The following DLGAP4 variants were observed in gnomAD, a reference collection of about 807,000 sequenced individuals.
DLGAP4 encodes the protein DLG associated protein 4.
DLGAP4 carries 18 observed loss-of-function variants against 86.9 expected under a neutral mutation model. That is an observed-to-expected ratio of 0.21 (90% CI 0.14 to 0.31). The LOEUF is 0.31. Among genes scored for constraint, DLGAP4 ranks in the 10% least tolerant of loss-of-function variants. DLGAP4 has a pLI of 1.00. For synonymous variants in DLGAP4, 548 were observed against 574.3 expected, an observed-to-expected ratio of 0.95 and a Z score of 0.65; for missense variants, 1,085 against 1,362.6, an observed-to-expected ratio of 0.80 and a Z score of 3.21.
intron 2 of DLGAP4, among the ~76,000 whole-genome samples, chr20:36,421,750 G>T (rs2032835163): frequency 6.6e-6 from 1 of 152,104 alleles, no homozygotes; most frequent in African/African-American, 2.4e-5. Context: ...GCAGACTGTG[G>T]GCGGAGCAGG....
intron 4 of DLGAP4, among the ~76,000 whole-genome samples, chr20:36,439,442 G>T (rs2033381662): frequency 6.6e-6 from 1 of 152,204 alleles, no homozygotes; most frequent in Non-Finnish European, 1.5e-5. Context: ...GAGTCTAGGG[G>T]CCTGATAGAA....
chr20:36,351,162 C>T (rs2030139007), intron 1 of DLGAP4, among the ~76,000 whole-genome samples: 2 of 152,228 alleles, frequency 1.3e-5, no homozygotes. Context: ...GCACCCACTG[C>T]TCCCACTCTG....
At chr20:36,418,332 C>T (rs185665046) in intron 2 of DLGAP4, among the ~76,000 whole-genome samples, 1 of 151,806 alleles carries the variant, frequency 6.6e-6, no homozygotes, top group South Asian at 2.1e-4. Flanking sequence ...AGGCTAGTCT[C>T]GAATTCCTGA....
chr20:36,498,298 T>G (rs763921280), intron 8 of DLGAP4: 2 of 152,240 alleles, frequency 1.3e-5, no homozygotes, highest in African/African-American at 2.4e-5. Flanking sequence ...TCTGGGCTTC[T>G]TAAGTGTCCA....
intron 7 of DLGAP4, among the ~76,000 whole-genome samples, chr20:36,447,893 CAG>C (rs1491305218): frequency 2.3e-4 from 2 of 8,530 alleles, no homozygotes; most frequent in East Asian, 3.0e-3. Flanking sequence ...CAGGGCCTAT[CAG>C]GGGGGTGGGG....
At chr20:36,502,025 C>A (rs2036165182) in intron 10 of DLGAP4, among the ~76,000 whole-genome samples, 2 of 152,182 alleles carry the variant, frequency 1.3e-5, no homozygotes, top group South Asian at 4.1e-4. Context: ...TATTTGTCTT[C>A]ATATATCTTT....
At position 36,495,194 on chromosome 20, in the gene DLGAP4, T is replaced by A. The variant is rs143973370; in HGVS notation, c.1649-1511T>A. Among the ~76,000 whole-genome samples, 11 of 152,268 alleles carry A rather than the reference T, an allele frequency of 7.2e-5. No homozygotes were observed. In the East Asian group the frequency reaches 1.9e-3, roughly 27 times the overall value. ...TTTATAAGAAAATGCCAATGTATTT[T>A]CCATGACAGTAGTATCACTTTTTCT... On this transcript the variant is annotated intron_variant, in intron 7 of 12. Coordinates refer to ENST00000339266, the MANE Select transcript of DLGAP4 (RefSeq NM_001365621.2).
chr20:36,438,833 C>T (rs981567094), intron 4 of DLGAP4, among the ~76,000 whole-genome samples: 39 of 151,754 alleles, frequency 2.6e-4, no homozygotes, highest in African/African-American at 9.4e-4. Context: ...CTCAGCCTCC[C>T]GAGTAGCTGA....
At chr20:36,420,924 G>A (rs1346412675) in intron 2 of DLGAP4, among the ~76,000 whole-genome samples, 6 of 151,630 alleles carry the variant, frequency 4.0e-5, no homozygotes, top group Admixed American at 2.0e-4. Context: ...AGTGAGCCAA[G>A]ATTGTGCCAT....
At chr20:36,312,254 G>C (rs1020877187) in intron 1 of DLGAP4, among the ~76,000 whole-genome samples, 4 of 152,348 alleles carry the variant, frequency 2.6e-5, no homozygotes, top group Admixed American at 1.3e-4. Flanking sequence ...GAGTGACCAT[G>C]ACCGGCAGTC....
At chr20:36,355,477 C>T (rs1403652794) in intron 1 of DLGAP4, among the ~76,000 whole-genome samples, 1 of 151,908 alleles carries the variant, frequency 6.6e-6, no homozygotes, top group East Asian at 1.9e-4. Flanking sequence ...TTGTGGTTTT[C>T]GTAGAGGCAT....
chr20:36,370,049 G>T (rs753564145), intron 2 of DLGAP4, among the ~76,000 whole-genome samples: 52 of 152,126 alleles, frequency 3.4e-4, no homozygotes, highest in Non-Finnish European at 6.5e-4. Flanking sequence ...GAAGTTCCCC[G>T]CAAAGGGCCA....
intron 2 of DLGAP4, among the ~76,000 whole-genome samples, chr20:36,375,133 A>C (rs2031101561): frequency 6.6e-6 from 1 of 152,202 alleles, no homozygotes; most frequent in South Asian, 2.1e-4. Context: ...AGTTGGAGGC[A>C]GGGCTGGGAC....
At chr20:36,442,413 C>T (rs1399008853) in intron 5 of DLGAP4, among the ~76,000 whole-genome samples, 8 of 152,272 alleles carry the variant, frequency 5.3e-5, no homozygotes, top group Admixed American at 1.3e-4. Flanking sequence ...AGGCTGGTCT[C>T]GAATTCCCAA....
intron 1 of DLGAP4, among the ~76,000 whole-genome samples, chr20:36,331,147 A>G (rs953979831): frequency 6.6e-6 from 1 of 152,076 alleles, no homozygotes; most frequent in Admixed American, 6.5e-5. Flanking sequence ...ACCTGTGGGG[A>G]TGGCTACTTC....
intron 2 of DLGAP4, among the ~76,000 whole-genome samples, chr20:36,382,558 C>G (rs1186776145): frequency 8.9e-6 from 1 of 112,284 alleles, no homozygotes; most frequent in African/African-American, 3.5e-5. Flanking sequence ...GAGACAGAGT[C>G]TCACTCTGTC....
chr20:36,343,447 AC>A (rs2065404730), intron 1 of DLGAP4, among the ~76,000 whole-genome samples: 1 of 152,096 alleles, frequency 6.6e-6, no homozygotes, highest in Admixed American at 6.5e-5. Flanking sequence ...GCCACATCAT[AC>A]CAACTTTATG....
Position 36,458,326 on chromosome 20 carries a change from C to T in DLGAP4, c.1648+11389C>T, listed in dbSNP as rs1298164304. Among the ~76,000 whole-genome samples the T allele has an allele frequency of 2.8e-5, 4 of 142,850 alleles. No homozygotes were observed. The Admixed American group carries it at 2.8e-4, about 10-fold the overall frequency. 93.7% of individuals were successfully genotyped at this position (142,850 alleles called of 152,430 possible). ...GGGAGTTTGAGACCAGCCTGGCCAA[C>T]GTGGTGAAACCCCATATCTTTTTTT... On this transcript the variant is annotated intron_variant, in intron 7 of 12. Coordinates refer to ENST00000339266, the MANE Select transcript of DLGAP4 (RefSeq NM_001365621.2).
intron 8 of DLGAP4, chr20:36,499,322 G>A: frequency 6.2e-7 from 1 of 1,613,426 alleles, no homozygotes; most frequent in Non-Finnish European, 8.5e-7. Flanking sequence ...CCTCCTCAGA[G>A]TAGGGAAAGC....
Sources: gnomAD v4.1 joint callset for allele counts (sites outside exome capture counted in the v4.1 genomes callset) on GRCh38, gnomAD v4.1.1 for gene constraint, MANE v1.5 for transcripts, NCBI Gene and HGNC (gene_info 2026-07-23, HGNC 2026-07-21) for gene names.